The following SLC25A48 variants were observed in gnomAD, a reference collection of about 807,000 sequenced individuals.
SLC25A48 encodes the protein solute carrier family 25 member 48.
Under a neutral mutation model 32.2 loss-of-function variants are expected in SLC25A48, and 29 were observed. The ratio of observed to expected loss-of-function variants is 0.90; its 90% CI spans 0.67 to 1.23. SLC25A48 has a LOEUF of 1.23. SLC25A48 is among the 50% of genes most tolerant of loss of function. The probability of loss-of-function intolerance (pLI) is 0.00; values close to 1 mark genes in which losing one functional copy is unlikely to be tolerated. For synonymous variants in SLC25A48, 164 were observed against 172.3 expected (o/e 0.95, Z 0.38); for missense variants, 399 against 422.7 (o/e 0.94, Z 0.49).
chr5:135,583,171 A>AGTGTGT (rs35679412), intron 1 of SLC25A48, among the ~76,000 whole-genome samples: 7,412 of 150,488 alleles, frequency 0.049, 549 homozygotes, highest in African/African-American at 0.17. Context: ...CATGTGAGAA[A>AGTGTGT]GTGTGTGTGC....
rs369473486 is a variant in SLC25A48 at position 135,609,891 on chromosome 5, A to G, written c.-848-19346A>G. 5.3e-4 allele frequency among the ~76,000 whole-genome samples: 81 copies of G among 152,364 alleles called. 1 individual carries two copies. Among genetic ancestry groups the G allele is most frequent in the Middle Eastern group, 6.8e-3 (2 of 294 alleles). ...AGGTAAAAAGGGAGTCTTGGGGCCT[A>G]TGGTGAAAAAGAGACTCACTTTTAA... On this transcript the variant is annotated intron_variant, in intron 1 of 10. Coordinates refer to the SLC25A48 transcript ENST00000646290.
intron 1 of SLC25A48, among the ~76,000 whole-genome samples, chr5:135,618,278 T>C (rs1392273267): frequency 6.6e-6 from 1 of 152,144 alleles, no homozygotes; most frequent in Non-Finnish European, 1.5e-5. Context: ...TCTTATTCCA[T>C]TCCCTTATTT....
chr5:135,748,785 A>G (rs1755701796), intron 3 of SLC25A48, among the ~76,000 whole-genome samples: 1 of 147,954 alleles, frequency 6.8e-6, no homozygotes, highest in Non-Finnish European at 1.5e-5. Context: ...ATGGCACGAT[A>G]CTGGCTCACT....
chr5:135,614,959 G>A (rs559166621), intron 1 of SLC25A48, among the ~76,000 whole-genome samples: 1 of 152,298 alleles, frequency 6.6e-6, no homozygotes, highest in East Asian at 1.9e-4. Flanking sequence ...AGCCATGTAA[G>A]ACGTGCCTGC....
intron 2 of SLC25A48, among the ~76,000 whole-genome samples, chr5:135,632,255 G>A (rs115884419): frequency 8.5e-5 from 13 of 152,166 alleles, no homozygotes; most frequent in East Asian, 3.9e-4. Context: ...GCAGGAAAGC[G>A]GCAAGGAAGT....
chr5:135,595,817 A>G (rs1027455097), intron 1 of SLC25A48, among the ~76,000 whole-genome samples: 1 of 152,226 alleles, frequency 6.6e-6, no homozygotes, highest in Non-Finnish European at 1.5e-5. Context: ...TACATGCTCC[A>G]TACCTGTTAA....
At chr5:135,881,197 G>A (rs1762449477) in intron 7 of SLC25A48, among the ~76,000 whole-genome samples, 1 of 152,232 alleles carries the variant, frequency 6.6e-6, no homozygotes, top group African/African-American at 2.4e-5. Flanking sequence ...CAAAGTAAGT[G>A]TGGACTGAAC....
intron 4 of SLC25A48, chr5:135,824,667 G>A (rs1757982108): frequency 6.6e-6 from 1 of 152,254 alleles, no homozygotes; most frequent in South Asian, 2.1e-4. Context: ...ACTGCTCAGT[G>A]GGTTCTTCCC....
In SLC25A48 at chr5:135,888,618, G is replaced by T. The variant is rs1054834037; in HGVS notation, c.*594G>T. 1 of 152,328 alleles carries T rather than the reference G, an allele frequency of 6.6e-6. No individual in the cohort carries two copies. The highest frequency in any genetic ancestry group is 6.5e-5 in the Admixed American group (1 of 15,280). The allele number at this position is 152,328 out of a possible 1,614,324, so 9.4% of individuals were successfully genotyped here. On this transcript the variant is annotated 3_prime_UTR_variant, in exon 8 of 8. Transcript: ENST00000681962. ...TCAGGTCTGCAGCAAATAAATGAAAGTTTCTTTATTTTTTATTAACTAAAT... is the reference window on the plus strand; with the variant it reads ...TCAGGTCTGCAGCAAATAAATGAAATTTTCTTTATTTTTTATTAACTAAAT...
intron 3 of SLC25A48, among the ~76,000 whole-genome samples, chr5:135,727,781 A>G (rs150760869): frequency 7.2e-5 from 11 of 152,322 alleles, no homozygotes; most frequent in Non-Finnish European, 1.3e-4. Context: ...CCAATACCAC[A>G]GTCTTGATTG....
At chr5:135,608,283 G>A (rs915227483) in intron 1 of SLC25A48, among the ~76,000 whole-genome samples, 4 of 152,120 alleles carry the variant, frequency 2.6e-5, no homozygotes, top group African/African-American at 7.2e-5. Context: ...TCCTATAGAG[G>A]ACATGAACTA....
At position 135,717,327 on chromosome 5, in the gene SLC25A48, A is replaced by G. The variant is rs539434478; in HGVS notation, c.-521+82371A>G. 3.5e-4 allele frequency among the ~76,000 whole-genome samples: 54 copies of G among 152,260 alleles called. No homozygotes were observed. In the East Asian group the frequency reaches 9.1e-3, roughly 26 times the overall value. On this transcript the variant is annotated intron_variant, in intron 3 of 10. Coordinates refer to the SLC25A48 transcript ENST00000646290. ...CATGAGCAGATTGTGAGAAATCGCC[A>G]CAGGCCACATCTGTGCCCTGCTTGA...
chr5:135,837,877 T>C (rs1758663508), intron 1 of SLC25A48, among the ~76,000 whole-genome samples: 1 of 152,214 alleles, frequency 6.6e-6, no homozygotes, highest in African/African-American at 2.4e-5. Flanking sequence ...ATACAGTAAG[T>C]TGGTACCAGT....
chr5:135,839,712 G>A (rs1404854398), intron 1 of SLC25A48, among the ~76,000 whole-genome samples: 1 of 152,140 alleles, frequency 6.6e-6, no homozygotes. Context: ...TTGAATTATA[G>A]CTCCCATAAT....
At chr5:135,701,467 T>TC (rs1301480433) in intron 3 of SLC25A48, among the ~76,000 whole-genome samples, 2 of 151,414 alleles carry the variant, frequency 1.3e-5, no homozygotes, top group African/African-American at 2.4e-5. Flanking sequence ...GGAACATAAC[T>TC]CCCCCCCGCC....
rs2126651581 is a variant in SLC25A48, at chr5:135,811,675, G to A, written c.-520-848G>A. On this transcript the variant is annotated intron_variant, in intron 3 of 10. Coordinates refer to the SLC25A48 transcript ENST00000646290. ...ACATAATACAGCATATACCATTCTT[G>A]TCAATTAAAAATGAGTAAGTAATTT... Among the ~76,000 whole-genome samples the A allele has an allele frequency of 2.0e-5, 3 of 152,148 alleles. No homozygotes were observed. In the South Asian group the frequency reaches 6.2e-4, roughly 32 times the overall value.
intron 3 of SLC25A48, among the ~76,000 whole-genome samples, chr5:135,681,821 G>A (rs552563160): frequency 1.3e-5 from 2 of 152,180 alleles, no homozygotes; most frequent in African/African-American, 4.8e-5. Context: ...ATGAGGCAAT[G>A]CCCTCTGAAT....
intron 3 of SLC25A48, among the ~76,000 whole-genome samples, chr5:135,713,256 T>C (rs1437823653): frequency 6.6e-6 from 1 of 152,148 alleles, no homozygotes; most frequent in Non-Finnish European, 1.5e-5. Context: ...TCACCTAATA[T>C]ATATTTTGCT....
At position 135,764,705 on chromosome 5, in the gene SLC25A48, C is replaced by A. The variant is rs540768530; in HGVS notation, c.-520-47818C>A. ...CACCCTGTGATACAATTCATAATAT[C>A]TGGGGGGGAGAGTGATTTTTGTCTC... On this transcript the variant is annotated intron_variant, in intron 3 of 10. Transcript: ENST00000646290. 2.8e-5 allele frequency among the ~76,000 whole-genome samples: 4 copies of A among 144,498 alleles called. No homozygotes were observed. The East Asian group carries it at 8.4e-4, about 31-fold the overall frequency. The allele number at this position is 144,498 out of a possible 152,430, so 94.8% of individuals were successfully genotyped here. A position where few individuals can be genotyped will look rare whatever the true frequency, so the allele number is the denominator to read the frequency against.
Sources: gnomAD v4.1 joint callset for allele counts (sites outside exome capture counted in the v4.1 genomes callset) on GRCh38, gnomAD v4.1.1 for gene constraint, MANE v1.5 for transcripts, NCBI Gene and HGNC (gene_info 2026-07-23, HGNC 2026-07-21) for gene names.